RELN: variants seen among roughly 807,000 people sequenced by gnomAD.
The protein encoded by RELN is reelin.
A neutral mutation model predicts 427.6 loss-of-function variants in RELN; 108 were observed. The ratio of observed to expected loss-of-function variants is 0.25; its 90% CI spans 0.22 to 0.30. RELN has a LOEUF of 0.30. Among genes scored for constraint, RELN ranks in the 10% least tolerant of loss-of-function variants. The probability of loss-of-function intolerance (pLI) is 1.00; values close to 1 mark genes in which losing one functional copy is unlikely to be tolerated. For synonymous variants in RELN, 1,524 were observed against 1,513.4 expected, an observed-to-expected ratio of 1.01 and a Z score of -0.16; for missense variants, 3,715 against 4,302.8, an observed-to-expected ratio of 0.86 and a Z score of 3.82.
chr7:103,650,135 A>T (rs1271010624), intron 16 of RELN, 139 bp downstream of exon 16: 1 of 716,988 alleles, frequency 1.4e-6, no homozygotes, highest in Non-Finnish European at 2.6e-6. Context: ...AACAGAATGC[A>T]AAGGAGAAAT....
intron 27 of RELN, among the ~76,000 whole-genome samples, chr7:103,590,586 AAATAAATAAATAAAT>A (rs1239427692): frequency 1.3e-4 from 20 of 151,530 alleles, no homozygotes; most frequent in African/African-American, 4.8e-4. Flanking sequence ...ATAAATAAAT[AAATAAATAAATAAAT>A]ATAAAATAAA....
At chr7:103,597,575 T>A (rs1169628648) in intron 24 of RELN, among the ~76,000 whole-genome samples, 2 of 152,122 alleles carry the variant, frequency 1.3e-5, no homozygotes, top group African/African-American at 4.8e-5. Flanking sequence ...GCACCCCAGC[T>A]TGGGTGACAA....
chr7:103,913,377 C>T (rs978530968), intron 2 of RELN, among the ~76,000 whole-genome samples: 2 of 152,174 alleles, frequency 1.3e-5, no homozygotes, highest in African/African-American at 2.4e-5. Flanking sequence ...GCTAGTTAAA[C>T]ATATTGCACA....
chr7:103,941,586 T>C (rs917990913), intron 1 of RELN, among the ~76,000 whole-genome samples: 1 of 152,214 alleles, frequency 6.6e-6, no homozygotes, highest in African/African-American at 2.4e-5. Flanking sequence ...AAATTTAATG[T>C]CTACTCATTC....
At chr7:103,690,634 C>A (rs929342255) in intron 10 of RELN, among the ~76,000 whole-genome samples, 1 of 152,092 alleles carries the variant, frequency 6.6e-6, no homozygotes, top group Admixed American at 6.6e-5. Flanking sequence ...TCGTAAACAA[C>A]AGTTGTGACA....
At position 103,593,777 on chromosome 7, in the gene RELN, T is replaced by G; in HGVS notation, c.3817A>C (p.Thr1273Pro). The G allele has an allele frequency of 6.2e-7, 1 of 1,613,514 alleles. No homozygotes were observed. The highest frequency in any genetic ancestry group is 8.5e-7 in the Non-Finnish European group (1 of 1,179,474). ...TTTCCAAATATCATTGCTGATGGTG[T>G]GGCAGCACAGAAGGTTTCATTTTTA... ...MVKNETFCAA[T>P]PSAMIFGKSD... Residue 1273 changes from threonine (T) to proline (P), a missense_variant, in exon 27 of 65, where the codon ACA becomes CCA. Physicochemically the swap from Thr to Pro is conservative, Grantham distance 38. Coordinates refer to ENST00000428762, the MANE Select transcript of RELN (RefSeq NM_005045.4).
chr7:103,663,562 T>C (rs113101023), intron 11 of RELN, among the ~76,000 whole-genome samples: 19 of 152,270 alleles, frequency 1.2e-4, no homozygotes, highest in African/African-American at 4.1e-4. Flanking sequence ...CACCCTCTTC[T>C]TCTCCCGACC....
chr7:103,522,539 A>C (rs1414427066), intron 47 of RELN, among the ~76,000 whole-genome samples: 4 of 152,332 alleles, frequency 2.6e-5, no homozygotes, highest in Non-Finnish European at 2.9e-5. Flanking sequence ...GGTGGGTCCT[A>C]ATAATTTACA....
At chr7:103,876,690 A>G (rs1377191778) in intron 2 of RELN, among the ~76,000 whole-genome samples, 1 of 152,170 alleles carries the variant, frequency 6.6e-6, no homozygotes, top group Non-Finnish European at 1.5e-5. Context: ...AGCTCTTTTC[A>G]GAAATATACT....
intron 28 of RELN, among the ~76,000 whole-genome samples, chr7:103,583,679 C>CA (rs1275967685): frequency 2.0e-5 from 3 of 152,134 alleles, no homozygotes; most frequent in Non-Finnish European, 4.4e-5. Flanking sequence ...TAAAGACAAA[C>CA]AGAGAACTCA....
At chr7:103,727,352 G>C (rs182980585) in intron 7 of RELN, among the ~76,000 whole-genome samples, 78 of 152,114 alleles carry the variant, frequency 5.1e-4, no homozygotes, top group Admixed American at 4.5e-3. Flanking sequence ...AGAGTATTAG[G>C]GACAAAGGAA....
At chr7:103,507,583 A>G (rs1829256826) in intron 51 of RELN, among the ~76,000 whole-genome samples, 1 of 152,232 alleles carries the variant, frequency 6.6e-6, no homozygotes, top group East Asian at 1.9e-4. Flanking sequence ...GAAAGCAGGA[A>G]AGATCTAAAA....
chr7:103,519,605 CAG>C, intron 48 of RELN, 89 bp from the exon 49 acceptor site: 13 of 922,248 alleles, frequency 1.4e-5, no homozygotes, highest in Non-Finnish European at 2.1e-5. Flanking sequence ...TTTTTTGAGA[CAG>C]GGTCTTGCTC....
chr7:103,498,296 G>C, intron 53 of RELN, 44 bp from the exon 54 acceptor site: 1 of 1,533,340 alleles, frequency 6.5e-7, no homozygotes, highest in Non-Finnish European at 9.0e-7. Context: ...AACAATTTCA[G>C]ATAACTATGG....
At chr7:103,759,663 G>C (rs935340157) in intron 4 of RELN, among the ~76,000 whole-genome samples, 1 of 151,962 alleles carries the variant, frequency 6.6e-6, no homozygotes, top group African/African-American at 2.4e-5. Context: ...GGCCTTCATC[G>C]CGGTATGAGA....
intron 44 of RELN, 180 bp from the exon 45 acceptor site, chr7:103,539,507 A>G (rs1830130009): frequency 7.8e-6 from 5 of 637,736 alleles, no homozygotes; most frequent in Non-Finnish European, 1.4e-5. Flanking sequence ...CTGCTTGCCC[A>G]TCTGGCAAGA....
At chr7:103,676,754 C>A (rs971992436) in intron 11 of RELN, among the ~76,000 whole-genome samples, 5 of 151,480 alleles carry the variant, frequency 3.3e-5, no homozygotes, top group African/African-American at 1.2e-4. Context: ...ACGGATGAAA[C>A]TGGAAACCAT....
At chr7:103,832,895 C>T (rs1184861768) in intron 3 of RELN, among the ~76,000 whole-genome samples, 1 of 152,018 alleles carries the variant, frequency 6.6e-6, no homozygotes, top group Non-Finnish European at 1.5e-5. Context: ...GTAGATAAGG[C>T]CTTATAGCAT....
chr7:103,986,069 GA>G (rs911292909), intron 1 of RELN, among the ~76,000 whole-genome samples: 52 of 149,850 alleles, frequency 3.5e-4, no homozygotes, highest in Admixed American at 1.3e-3. Context: ...GAAATTCTAG[GA>G]AAAAAAAAAT....
Sources: gnomAD v4.1 joint callset for allele counts (sites outside exome capture counted in the v4.1 genomes callset) on GRCh38, gnomAD v4.1.1 for gene constraint, MANE v1.5 for transcripts, NCBI Gene and HGNC (gene_info 2026-07-23, HGNC 2026-07-21) for gene names.